The following ZNF43 variants were observed in gnomAD, a reference collection of about 807,000 sequenced individuals.
ZNF43 encodes zinc finger protein 39-like 1 (KOX 27).
ZNF43 carries 44 observed loss-of-function variants against 68.4 expected under a neutral mutation model. The ratio of observed to expected loss-of-function variants is 0.64; its 90% CI spans 0.51 to 0.83. ZNF43 has a LOEUF of 0.83. Among genes scored for constraint, ZNF43 ranks in the 40% least tolerant of loss-of-function variants. ZNF43 has a pLI of 0.00. For synonymous variants in ZNF43, 308 were observed against 307.8 expected, an observed-to-expected ratio of 1.00 and a Z score of -0.01; for missense variants, 896 against 933.2, an observed-to-expected ratio of 0.96 and a Z score of 0.52.
At chr19:21,821,437 C>T (rs1164020280) in intron 1 of ZNF43, among the ~76,000 whole-genome samples, 1 of 152,072 alleles carries the variant, frequency 6.6e-6, no homozygotes, top group African/African-American at 2.4e-5. Context: ...CAAGTATATC[C>T]TGATAGTATT....
At chr19:21,843,398 T>C in intron 1 of ZNF43, 1 of 984,972 alleles carries the variant, frequency 1.0e-6, no homozygotes, top group Non-Finnish European at 1.2e-6. Flanking sequence ...GTCAATACCA[T>C]TTGGATATTG....
intron 1 of ZNF43, among the ~76,000 whole-genome samples, chr19:21,845,758 T>A (rs11881809): frequency 0.034 from 5,195 of 151,898 alleles, 313 homozygotes; most frequent in African/African-American, 0.12. Flanking sequence ...CCAGGTGTGG[T>A]GGTGCATGCC....
chr19:21,849,562 C>T (rs1968200203), intron 1 of ZNF43, among the ~76,000 whole-genome samples: 1 of 142,666 alleles, frequency 7.0e-6, no homozygotes, highest in African/African-American at 2.6e-5. Flanking sequence ...GTAATCCCAA[C>T]ACCTGGGGAG....
chr19:21,811,541 A>C (rs974858462), intron 3 of ZNF43, among the ~76,000 whole-genome samples: 3 of 151,716 alleles, frequency 2.0e-5, no homozygotes, highest in African/African-American at 4.8e-5. Flanking sequence ...TCTCTAAAAA[A>C]AAAAACAAAA....
At chr19:21,845,478 G>C (rs1377740270) in intron 1 of ZNF43, 1 of 151,866 alleles carries the variant, frequency 6.6e-6, no homozygotes, top group East Asian at 2.0e-4. Flanking sequence ...TCTTTTGGCA[G>C]GGTGCAGGCT....
chr19:21,842,314 CAGA>C (rs1393299634), intron 1 of ZNF43, among the ~76,000 whole-genome samples: 2 of 148,532 alleles, frequency 1.3e-5, no homozygotes, highest in African/African-American at 5.0e-5. Flanking sequence ...GAGGCTGAGG[CAGA>C]AGAATAGCTT....
chr19:21,808,830 A>G lies in ZNF43; in HGVS notation c.1207T>C (p.Cys403Arg), dbSNP rs1195306123. The G allele has an allele frequency of 6.2e-7, 1 of 1,613,240 alleles. No individual in the cohort carries two copies. Among genetic ancestry groups the G allele is most frequent in the Non-Finnish European group, 8.5e-7 (1 of 1,179,848 alleles). Residue 403 changes from cysteine (C) to arginine (R), a missense_variant, in exon 4 of 4, where the codon TGT (cysteine) becomes CGT (arginine). Physicochemically the swap from Cys to Arg is radical, Grantham distance 180. Coordinates refer to ENST00000354959, the MANE Select transcript of ZNF43 (RefSeq NM_003423.4). ...GAGGACCACTTAAAAGCTTTGCCAC[A>G]TTCTTCACATTTGTAGGGTTTCTTT... ...TEKKPYKCEECGKAFKWSSKL... is the reference protein window; with the variant it reads ...TEKKPYKCEERGKAFKWSSKL...
intron 1 of ZNF43, among the ~76,000 whole-genome samples, chr19:21,845,831 T>C (rs569746318): frequency 6.6e-6 from 1 of 150,486 alleles, no homozygotes; most frequent in East Asian, 2.0e-4. Flanking sequence ...AGGCAGAGGT[T>C]GTCATGAGCC....
intron 3 of ZNF43, among the ~76,000 whole-genome samples, chr19:21,816,895 T>A (rs1373778801): frequency 1.3e-5 from 2 of 152,200 alleles, no homozygotes; most frequent in East Asian, 3.9e-4. Flanking sequence ...ACAAGCCAAC[T>A]AAAGGCGGAC....
chr19:21,815,537 A>G (rs2145199355), intron 3 of ZNF43, among the ~76,000 whole-genome samples: 1 of 148,710 alleles, frequency 6.7e-6, no homozygotes, highest in African/African-American at 2.5e-5. Context: ...AGCCTCTGAT[A>G]TATAAAACAA....
At chr19:21,849,286 C>G (rs913456415) in intron 1 of ZNF43, among the ~76,000 whole-genome samples, 2 of 151,880 alleles carry the variant, frequency 1.3e-5, no homozygotes, top group African/African-American at 4.8e-5. Flanking sequence ...GTCGGGAGTT[C>G]TAGACTAGCC....
At chr19:21,839,457 A>C (rs555294973), upstream of ZNF43, 3 of 151,960 alleles carry the variant, frequency 2.0e-5, no homozygotes, top group African/African-American at 7.2e-5. Context: ...TAAGTGCTTG[A>C]CTAAGCGATA....
rs1046623090 is a variant in ZNF43, at chr19:21,833,412, C to T, written c.3+2624G>A. ...CTCCCGAAGTAGCTGGGATTACAGGCGCCTGCCCCTGCACCCAGCTAATTT... is the reference window on the plus strand; with the variant it reads ...CTCCCGAAGTAGCTGGGATTACAGGTGCCTGCCCCTGCACCCAGCTAATTT... On this transcript the variant is annotated intron_variant, in intron 1 of 3. Coordinates refer to ENST00000354959, the MANE Select transcript of ZNF43 (RefSeq NM_003423.4). Among the ~76,000 whole-genome samples, 10 of 152,060 alleles carry T rather than the reference C, an allele frequency of 6.6e-5. No homozygotes were observed. In the South Asian group the frequency reaches 1.0e-3, roughly 16 times the overall value.
chr19:21,836,709 T>C (rs2038757577), upstream of ZNF43, among the ~76,000 whole-genome samples: 2 of 152,206 alleles, frequency 1.3e-5, no homozygotes, highest in African/African-American at 4.8e-5. Flanking sequence ...CTCAGCCTTC[T>C]GAGTAGCTGG....
intron 1 of ZNF43, among the ~76,000 whole-genome samples, chr19:21,849,566 TG>T (rs139638509): frequency 0.089 from 13,087 of 146,476 alleles, 652 homozygotes; most frequent in Middle Eastern, 0.17. Context: ...TCCCAACACC[TG>T]GGGAGGCCGA....
At chr19:21,818,313 G>A (rs2037628711) in intron 2 of ZNF43, among the ~76,000 whole-genome samples, 1 of 152,158 alleles carries the variant, frequency 6.6e-6, no homozygotes, top group Non-Finnish European at 1.5e-5. Context: ...ATGTTGGTCA[G>A]GCTGGTCTCA....
chr19:21,810,192 C>A (rs2037209917), intron 3 of ZNF43, among the ~76,000 whole-genome samples: 1 of 152,108 alleles, frequency 6.6e-6, no homozygotes, highest in Admixed American at 6.5e-5. Context: ...AGAAAAAAGG[C>A]TTATTTTGCT....
chr19:21,807,382 G>A lies in ZNF43; in HGVS notation c.*225C>T, dbSNP rs2036987572. On this transcript the variant is annotated 3_prime_UTR_variant, in exon 4 of 4. Coordinates refer to ENST00000354959, the MANE Select transcript of ZNF43 (RefSeq NM_003423.4). ...CTCTCTGATGTTGAGTAAGATATGA[G>A]CACATATTAATGGCTTTTCCACATT... 4 of 410,888 alleles carry A rather than the reference G, an allele frequency of 9.7e-6. No individual in the cohort carries two copies. The highest frequency in any genetic ancestry group is 1.7e-5 in the Non-Finnish European group (4 of 233,830). The allele number at this position is 410,888 out of a possible 1,614,324, so 25.5% of individuals were successfully genotyped here.
chr19:21,834,039 G>A (rs2038557717), intron 1 of ZNF43, among the ~76,000 whole-genome samples: 1 of 151,110 alleles, frequency 6.6e-6, no homozygotes, highest in South Asian at 2.1e-4. Flanking sequence ...AGGCGGGGCG[G>A]GGGAAAAAAA....
Sources: allele counts gnomAD v4.1 joint callset (sites outside exome capture counted in the v4.1 genomes callset), GRCh38; gene constraint gnomAD v4.1.1; transcripts MANE v1.5; gene names NCBI Gene and HGNC (gene_info 2026-07-23, HGNC 2026-07-21).